Variants in DLL4 observed in about 807,000 individuals in gnomAD.
The protein encoded by DLL4 is delta like canonical Notch ligand 4.
Under a neutral mutation model 73.6 loss-of-function variants are expected in DLL4, and 7 were observed. The observed-to-expected ratio is 0.10, with a 90% CI of 0.05 to 0.18. DLL4 has a LOEUF of 0.18. DLL4 is among the 10% of genes least tolerant of loss of function. The pLI is 1.00. For missense variants in DLL4, 614 were observed against 929.9 expected (o/e 0.66, Z 4.42); for synonymous variants, 345 against 374.3 (o/e 0.92, Z 0.90).
chr15:40,937,594 C>A, intron 10 of DLL4, 68 bp downstream of exon 10: 1 of 1,161,020 alleles, frequency 8.6e-7, no homozygotes, highest in Non-Finnish European at 1.3e-6. Context: ...ACTCTTGACC[C>A]ATGGGCCATT....
intron 9 of DLL4, 26 bp downstream of exon 9, chr15:40,936,956 C>T: frequency 6.5e-7 from 1 of 1,536,194 alleles, no homozygotes; most frequent in Non-Finnish European, 8.8e-7. Context: ...AAGCCCAGGG[C>T]CTGGCCACCG....
chr15:40,935,127 G>C lies in DLL4; in HGVS notation c.1240+10G>C. 6.2e-7 allele frequency: 1 copy of C among 1,607,494 alleles called. No individual in the cohort carries two copies. Among genetic ancestry groups the C allele is most frequent in the East Asian group, 2.2e-5 (1 of 44,806 alleles). On this transcript the variant is annotated intron_variant, in intron 8 of 10. Transcript: ENST00000249749. Reference sequence around the variant, plus strand: ...AACCCCTGTGCCAACGGTGCGTGCTGCTGCCCTGCTAACCTGGTGGACTGG... The same window carrying C: ...AACCCCTGTGCCAACGGTGCGTGCTCCTGCCCTGCTAACCTGGTGGACTGG...
In DLL4 at chr15:40,938,427, T is replaced by C. The variant is rs1892874676; in HGVS notation, c.*393T>C. The C allele has an allele frequency of 5.6e-6, 1 of 177,734 alleles. No individual in the cohort carries two copies. The highest frequency in any genetic ancestry group is 1.5e-4 in the East Asian group (1 of 6,858). The allele number at this position is 177,734 out of a possible 1,614,324, so 11.0% of individuals were successfully genotyped here. A position where few individuals can be genotyped will look rare whatever the true frequency, so the allele number is the denominator to read the frequency against. On this transcript the variant is annotated 3_prime_UTR_variant, in exon 11 of 11. Transcript: ENST00000249749. ...GGCATCCGTGTTTCCAAAAGTGCCT[T>C]TGGCCCAGGCTCCACGGCGACAGTT...
rs760234335 is a variant in DLL4, at chr15:40,936,285, C to T, written c.1298C>T (p.Thr433Met). The T allele has an allele frequency of 1.4e-5, 22 of 1,609,114 alleles. No individual in the cohort carries two copies. Among genetic ancestry groups the T allele is most frequent in the East Asian group, 6.7e-5 (3 of 44,768 alleles). ...ATGTGCCGCTGCCGTCCTGGATTCA[C>T]GGGCACCTACTGTGAACTCCACGTC... ...SRMCRCRPGF[T>M]GTYCELHVSD... Residue 433 changes from threonine to methionine, a missense_variant, in exon 9 of 11, where the codon ACG becomes ATG. This residue lies in a region of DLL4 where 386 missense variants were observed against 541.3 expected (regional missense o/e 0.71). Coordinates refer to ENST00000249749, the MANE Select transcript of DLL4 (RefSeq NM_019074.4).
chr15:40,935,617 G>A (rs563572777), intron 8 of DLL4, among the ~76,000 whole-genome samples: 155 of 152,310 alleles, frequency 1.0e-3, no homozygotes, highest in Non-Finnish European at 1.8e-3. Context: ...CCCTCTGTGA[G>A]GCAGGCAGGC....
In DLL4 at chr15:40,930,260, ACT is replaced by A. The variant is rs1892746702; in HGVS notation, c.336+150_336+151del. ...ATGCATTCTTTCCTGGCTCTTCCCG[ACT>A]CTCTCCTGAGACTGATCCCAGAAAA... On this transcript the variant is annotated intron_variant, in intron 2 of 10. Transcript: ENST00000249749. The surrounding 1 kb of genome is among the most constrained non-coding windows in gnomAD (Gnocchi z 5.7). The A allele has an allele frequency of 9.6e-7, 1 of 1,036,280 alleles. No individual in the cohort carries two copies. The allele number at this position is 1,036,280 out of a possible 1,614,324, so 64.2% of individuals were successfully genotyped here.
At chr15:40,937,373 C>A (rs1323615962) in intron 9 of DLL4, 45 bp from the exon 10 acceptor site, 7 of 1,386,776 alleles carry the variant, frequency 5.0e-6, no homozygotes, top group Non-Finnish European at 7.2e-6. Flanking sequence ...TCCCCCCAAG[C>A]CTCTCCCCGT....
At chr15:40,935,934 G>T (rs1892837428) in intron 8 of DLL4, among the ~76,000 whole-genome samples, 1 of 152,250 alleles carries the variant, frequency 6.6e-6, no homozygotes, top group African/African-American at 2.4e-5. Context: ...TAAGCAGCAA[G>T]TGCCAGATCT....
intron 3 of DLL4, chr15:40,931,164 G>A: frequency 4.7e-6 from 2 of 426,180 alleles, no homozygotes; most frequent in Non-Finnish European, 4.2e-6. Context: ...CTCTAGCCTG[G>A]GGAGCTTTTC....
chr15:40,935,996 C>A (rs1208878901), intron 8 of DLL4, among the ~76,000 whole-genome samples: 3 of 152,232 alleles, frequency 2.0e-5, no homozygotes, highest in Admixed American at 6.5e-5. Context: ...CTGTCTGATT[C>A]TACGTTAAAG....
rs1892862616 is a variant in DLL4, at chr15:40,937,511, T to C, written c.2037T>C (p.Cys679=). 1 of 1,610,780 alleles carries C rather than the reference T, an allele frequency of 6.2e-7. No homozygotes were observed. The highest frequency in any genetic ancestry group is 1.1e-5 in the South Asian group (1 of 91,016). ...VCLISEERNE[C]VIATEV is the part of the protein sequence containing the mutation. Reference sequence around the variant, plus strand: ...TGATATCAGAGGAGAGGAATGAATGTGTCATTGCCACGGAGGTGAGTGCTG... The same window carrying C: ...TGATATCAGAGGAGAGGAATGAATGCGTCATTGCCACGGAGGTGAGTGCTG... The change falls in exon 10 of 11, where the codon TGT becomes TGC. Residue 679 remains cysteine (C), a synonymous_variant. Coordinates refer to ENST00000249749, the MANE Select transcript of DLL4 (RefSeq NM_019074.4).
intron 3 of DLL4, chr15:40,931,004 G>A: frequency 2.0e-6 from 1 of 488,188 alleles, no homozygotes; most frequent in South Asian, 2.7e-5. Context: ...AGGGAATAAT[G>A]GCTTTGGGAT....
In DLL4 at chr15:40,929,415, C is replaced by T. The variant is rs776827544; in HGVS notation, c.-254C>T. On this transcript the variant is annotated 5_prime_UTR_variant, in exon 1 of 11. Coordinates refer to ENST00000249749, the MANE Select transcript of DLL4 (RefSeq NM_019074.4). This position sits in a 1 kb window ranked among gnomAD's most constrained non-coding sequence, Gnocchi z 7.1. ...CCAGCCGCCTTGGTGCAGCGTACAC[C>T]GGCACTAGCCCGCTTGCAGCCCCAG... The T allele has an allele frequency of 2.6e-4, 129 of 494,178 alleles. No individual in the cohort carries two copies. The highest frequency in any genetic ancestry group is 4.0e-4 in the Non-Finnish European group (114 of 283,594). The allele number at this position is 494,178 out of a possible 1,614,324, so 30.6% of individuals were successfully genotyped here. A position where few individuals can be genotyped will look rare whatever the true frequency, so the allele number is the denominator to read the frequency against.
At chr15:40,936,177 C>A in intron 8 of DLL4, 51 bp from the exon 9 acceptor site, 1 of 1,468,980 alleles carries the variant, frequency 6.8e-7, no homozygotes, top group East Asian at 2.4e-5. Flanking sequence ...CACCCCCTGC[C>A]CCAGGGAGCT....
rs749133934 is a variant in DLL4 at position 40,934,995 on chromosome 15, A to G, written c.1118A>G (p.Asn373Ser). 8 of 1,613,466 alleles carry G rather than the reference A, an allele frequency of 5.0e-6. No homozygotes were observed. The highest frequency in any genetic ancestry group is 2.2e-5 in the South Asian group (2 of 91,092). Residue 373 changes from asparagine (N) to serine (S), a missense_variant, in exon 8 of 11, where the codon AAT becomes AGT. This residue lies in a region of DLL4 where 386 missense variants were observed against 541.3 expected (regional missense o/e 0.71). Transcript: ENST00000249749. ...AGCTGCGCCGACTCCCCCTGCTTCAATGGGGGCTCCTGCCGGGAGCGCAAC... is the reference window on the plus strand; with the variant it reads ...AGCTGCGCCGACTCCCCCTGCTTCAGTGGGGGCTCCTGCCGGGAGCGCAAC... ...TLSCADSPCF[N>S]GGSCRERNQG...
Position 40,929,440 on chromosome 15 carries a change from G to A in DLL4, c.-229G>A, listed in dbSNP as rs941261806. On this transcript the variant is annotated 5_prime_UTR_variant, in exon 1 of 11. Coordinates refer to ENST00000249749, the MANE Select transcript of DLL4 (RefSeq NM_019074.4). This position sits in a 1 kb window ranked among gnomAD's most constrained non-coding sequence, Gnocchi z 7.1. Reference sequence around the variant, plus strand: ...CGGCACTAGCCCGCTTGCAGCCCCAGGATTAGACAGAAGACGCGTCCTCGG... The same window carrying A: ...CGGCACTAGCCCGCTTGCAGCCCCAAGATTAGACAGAAGACGCGTCCTCGG... 3.7e-6 allele frequency: 2 copies of A among 547,680 alleles called. No homozygotes were observed. The highest frequency in any genetic ancestry group is 6.3e-6 in the Non-Finnish European group (2 of 315,680). The allele number at this position is 547,680 out of a possible 1,614,324, so 33.9% of individuals were successfully genotyped here.
At chr15:40,937,351 C>T (rs1892859419) in intron 9 of DLL4, 67 bp from the exon 10 acceptor site, 2 of 1,145,542 alleles carry the variant, frequency 1.7e-6, no homozygotes, top group African/African-American at 1.5e-5. Context: ...TTTGGCTCTC[C>T]AGGGTCCTCC....
chr15:40,930,249 G>A lies in DLL4; in HGVS notation c.336+133G>A. ...AAAAGCCCAGGATGCATTCTTTCCTGGCTCTTCCCGACTCTCTCCTGAGAC... is the reference window on the plus strand; with the variant it reads ...AAAAGCCCAGGATGCATTCTTTCCTAGCTCTTCCCGACTCTCTCCTGAGAC... On this transcript the variant is annotated intron_variant, in intron 2 of 10. Coordinates refer to ENST00000249749, the MANE Select transcript of DLL4 (RefSeq NM_019074.4). The surrounding 1 kb of genome is among the most constrained non-coding windows in gnomAD (Gnocchi z 5.7). The A allele has an allele frequency of 3.6e-6, 4 of 1,125,292 alleles. No individual in the cohort carries two copies. The highest frequency in any genetic ancestry group is 5.0e-6 in the Non-Finnish European group (4 of 803,202). 69.7% of individuals were successfully genotyped at this position (1,125,292 alleles called of 1,614,324 possible).
In DLL4 at chr15:40,932,157, T is replaced by C; in HGVS notation, c.659-14T>C. 1 of 1,614,010 alleles carries C rather than the reference T, an allele frequency of 6.2e-7. No individual in the cohort carries two copies. The highest frequency in any genetic ancestry group is 8.5e-7 in the Non-Finnish European group (1 of 1,179,862). Reference sequence around the variant, plus strand: ...GGTATCCCAGCCTCACCCAGCTCTGTGTTCTTCCCTTAGCTATCTGTCTTT... The same window carrying C: ...GGTATCCCAGCCTCACCCAGCTCTGCGTTCTTCCCTTAGCTATCTGTCTTT... On this transcript the variant is annotated splice_polypyrimidine_tract_variant and intron_variant, in intron 4 of 10. Transcript: ENST00000249749.
Sources: allele counts gnomAD v4.1 joint callset (sites outside exome capture counted in the v4.1 genomes callset), GRCh38; gene constraint gnomAD v4.1.1; regional missense constraint gnomAD v4.1.1; non-coding constraint Gnocchi (gnomAD v3.1); transcripts MANE v1.5; gene names NCBI Gene and HGNC (gene_info 2026-07-23, HGNC 2026-07-21).